Variants in ARK2N observed in about 807,000 individuals in gnomAD.
The protein encoded by ARK2N is protein ARK2N.
chr18:46,245,644 G>A, the ARK2N span, among the ~76,000 whole-genome samples: 1 of 151,616 alleles, frequency 6.6e-6, no homozygotes, highest in Non-Finnish European at 1.5e-5. Flanking sequence ...TAAATGAGTA[G>A]TGACTTATTT....
the ARK2N span, among the ~76,000 whole-genome samples, chr18:46,250,491 T>C: frequency 2.3e-5 from 3 of 129,674 alleles, no homozygotes; most frequent in Non-Finnish European, 3.2e-5. Context: ...CCTCCATTCG[T>C]ACACACACAC....
At chr18:46,175,718 G>A in the ARK2N span, among the ~76,000 whole-genome samples, 1 of 152,200 alleles carries the variant, frequency 6.6e-6, no homozygotes, top group African/African-American at 2.4e-5. Flanking sequence ...GGCCAAGCTG[G>A]TCTTGACCTC....
the ARK2N span, chr18:46,228,645 G>T: frequency 2.5e-6 from 1 of 394,150 alleles, no homozygotes; most frequent in Non-Finnish European, 4.5e-6. Flanking sequence ...GAGTGCAGAG[G>T]TGCCATCTTG....
the ARK2N span, among the ~76,000 whole-genome samples, chr18:46,254,165 G>A: frequency 2.2e-4 from 33 of 152,240 alleles, no homozygotes; most frequent in African/African-American, 7.5e-4. Flanking sequence ...ATACTTTCTT[G>A]CCTTTCACTT....
At chr18:46,255,131 A>G in the ARK2N span, among the ~76,000 whole-genome samples, 1 of 152,268 alleles carries the variant, frequency 6.6e-6, no homozygotes, top group Non-Finnish European at 1.5e-5. Flanking sequence ...ACTTAAAAGT[A>G]TAGAGTGGAG....
At chr18:46,200,091 T>TGTGTGTGC in the ARK2N span, among the ~76,000 whole-genome samples, 14 of 148,094 alleles carry the variant, frequency 9.5e-5, no homozygotes, top group African/African-American at 3.4e-4. Context: ...TGTGTGTGTG[T>TGTGTGTGC]GCGCGCGCGT....
the ARK2N span, among the ~76,000 whole-genome samples, chr18:46,178,692 C>T: frequency 3.3e-5 from 5 of 151,812 alleles, no homozygotes; most frequent in South Asian, 8.4e-4. Flanking sequence ...AGGCTGAGGC[C>T]GGTGGATTGC....
chr18:46,221,343 C>T, the ARK2N span, among the ~76,000 whole-genome samples: 31 of 148,588 alleles, frequency 2.1e-4, no homozygotes, highest in African/African-American at 6.7e-4. Context: ...GTCAGGAGTT[C>T]GAGACCAGCC....
the ARK2N span, among the ~76,000 whole-genome samples, chr18:46,182,542 T>C: frequency 6.6e-6 from 1 of 152,138 alleles, no homozygotes; most frequent in Non-Finnish European, 1.5e-5. Flanking sequence ...CCAGGAGTTT[T>C]AGACCAGCCG....
At chr18:46,187,897 A>T in the ARK2N span, among the ~76,000 whole-genome samples, 17 of 152,110 alleles carry the variant, frequency 1.1e-4, no homozygotes, top group South Asian at 1.9e-3. Flanking sequence ...AACTTAAAAA[A>T]TTTGTTTAGA....
At chr18:46,208,464 CTTT>C in the ARK2N span, among the ~76,000 whole-genome samples, 781 of 68,304 alleles carry the variant, frequency 0.011, 3 homozygotes, top group African/African-American at 0.036. Flanking sequence ...GTTCTTAAAT[CTTT>C]TTTTTTTTTT....
chr18:46,227,878 G>GT, the ARK2N span, among the ~76,000 whole-genome samples: 9 of 152,140 alleles, frequency 5.9e-5, no homozygotes, highest in Admixed American at 1.3e-4. Flanking sequence ...GATTATAGGC[G>GT]TGAGCCACTG....
chr18:46,231,736 CTTTTTTT>C, the ARK2N span: 2 of 140,862 alleles, frequency 1.4e-5, no homozygotes, highest in African/African-American at 5.2e-5. Flanking sequence ...ATTTTTCTTT[CTTTTTTT>C]TTTTGTTTTT....
At chr18:46,225,585 A>G in the ARK2N span, among the ~76,000 whole-genome samples, 1 of 151,978 alleles carries the variant, frequency 6.6e-6, no homozygotes, top group Admixed American at 6.5e-5. Context: ...CAGCCTCCCG[A>G]GTATCTGGGA....
At chr18:46,178,903 A>AC in the ARK2N span, among the ~76,000 whole-genome samples, 1 of 151,736 alleles carries the variant, frequency 6.6e-6, no homozygotes. Context: ...CAAAAAAAAA[A>AC]AACAACAAAA....
chr18:46,244,976 C>T, the ARK2N span, among the ~76,000 whole-genome samples: 1 of 152,186 alleles, frequency 6.6e-6, no homozygotes, highest in African/African-American at 2.4e-5. Context: ...CTCTGTCGCT[C>T]AGGCTGGATG....
chr18:46,173,557 A>G, the ARK2N span: 2 of 152,382 alleles, frequency 1.3e-5, no homozygotes, highest in Admixed American at 6.5e-5. Flanking sequence ...TTGAGCAGAT[A>G]TTGGTGCCGC....
At chr18:46,220,626 C>T in the ARK2N span, among the ~76,000 whole-genome samples, 1 of 152,092 alleles carries the variant, frequency 6.6e-6, no homozygotes, top group Non-Finnish European at 1.5e-5. Flanking sequence ...CATATGTCGT[C>T]CTTTCCTTCT....
At chr18:46,255,176 T>C in the ARK2N span, among the ~76,000 whole-genome samples, 5 of 152,184 alleles carry the variant, frequency 3.3e-5, no homozygotes, top group African/African-American at 1.2e-4. Flanking sequence ...AAGGGTATCT[T>C]TTTCTAGAGA....
Sources: allele counts gnomAD v4.1 joint callset (sites outside exome capture counted in the v4.1 genomes callset), GRCh38; gene constraint gnomAD v4.1.1; transcripts MANE v1.5; gene names NCBI Gene and HGNC (gene_info 2026-07-23, HGNC 2026-07-21).